TTF2: variants seen among roughly 807,000 people sequenced by gnomAD.
TTF2 encodes the protein transcription termination factor 2, also known as RNA polymerase II termination factor.
TTF2 carries 108 observed loss-of-function variants against 142.4 expected under a neutral mutation model. The ratio of observed to expected loss-of-function variants is 0.76; its 90% CI spans 0.65 to 0.89. The LOEUF (loss-of-function observed/expected upper bound fraction) is 0.89, where lower values mean the gene tolerates loss of function less well. TTF2 is among the 40% of genes least tolerant of loss of function. TTF2 has a pLI of 0.00. For missense variants in TTF2, 1,327 were observed against 1,379.8 expected (o/e 0.96, Z 0.61); for synonymous variants, 483 against 506.2 (o/e 0.95, Z 0.61).
chr1:117,096,216 A>G lies in TTF2; in HGVS notation c.3103A>G (p.Thr1035Ala), dbSNP rs766352073. The change falls in exon 20 of 23, where the codon ACT becomes GCT. Residue 1035 changes from threonine to alanine, a missense_variant. Thr to Ala is a moderately conservative substitution (Grantham distance 58, BLOSUM62 0). Coordinates refer to ENST00000369466, the MANE Select transcript of TTF2 (RefSeq NM_003594.4). Reference sequence around the variant, plus strand: ...ATTGCACCTGAAGAAGCATGGACTGACTTATGCCACCATCGATGGCTCTGT... The same window carrying G: ...ATTGCACCTGAAGAAGCATGGACTGGCTTATGCCACCATCGATGGCTCTGT... ...VALHLKKHGL[T>A]YATIDGSVNP... 1 of 1,614,172 alleles carries G rather than the reference A, an allele frequency of 6.2e-7. No homozygotes were observed. Among genetic ancestry groups the G allele is most frequent in the South Asian group, 1.1e-5 (1 of 91,084 alleles).
At chr1:117,089,030 C>T in intron 13 of TTF2, 48 bp downstream of exon 13, 1 of 1,522,090 alleles carries the variant, frequency 6.6e-7, no homozygotes, top group Non-Finnish European at 8.8e-7. Context: ...GTCTGTATCC[C>T]TTCATCATTA....
chr1:117,079,473 G>T lies in TTF2; in HGVS notation c.1702-95G>T. 1.7e-6 allele frequency: 2 copies of T among 1,154,992 alleles called. No individual in the cohort carries two copies. The highest frequency in any genetic ancestry group is 1.8e-5 in the Admixed American group (1 of 56,168). 71.5% of individuals were successfully genotyped at this position (1,154,992 alleles called of 1,614,324 possible). A position where few individuals can be genotyped will look rare whatever the true frequency, so the allele number is the denominator to read the frequency against. The stretch of plus-strand genomic sequence containing the variant: ...CTACAGAATACTGAGGGAATCATTT[G>T]TAGAAAATAGGAGAGTGTAGAGTTC... On this transcript the variant is annotated intron_variant, in intron 8 of 22. Coordinates refer to ENST00000369466, the MANE Select transcript of TTF2 (RefSeq NM_003594.4). The surrounding 1 kb of genome is among the most constrained non-coding windows in gnomAD (Gnocchi z 4.2).
At chr1:117,062,772 A>G (rs528134455) in intron 3 of TTF2, among the ~76,000 whole-genome samples, 4 of 152,304 alleles carry the variant, frequency 2.6e-5, no homozygotes. Context: ...TAACTTGTCA[A>G]TCTTCTAATT....
chr1:117,081,857 A>C lies in TTF2; in HGVS notation c.1813A>C (p.Thr605Pro). ...TGATATGGGCTTAGGAAAAACCCTG[A>C]CAATGATTGCGCTCATCCTGACCCA... ...ADDMGLGKTL[T>P]MIALILTQKN... The change falls in exon 10 of 23, where the codon ACA (threonine) becomes CCA (proline). Residue 605 changes from threonine (T) to proline (P), a missense_variant. Transcript: ENST00000369466. 1 of 1,614,138 alleles carries C rather than the reference A, an allele frequency of 6.2e-7. No individual in the cohort carries two copies. Among genetic ancestry groups the C allele is most frequent in the Non-Finnish European group, 8.5e-7 (1 of 1,180,020 alleles).
rs760960711 is a variant in TTF2, at chr1:117,076,322, G to A, written c.1390+28G>A. On this transcript the variant is annotated intron_variant, in intron 6 of 22. Coordinates refer to ENST00000369466, the MANE Select transcript of TTF2 (RefSeq NM_003594.4). This position sits in a 1 kb window ranked among gnomAD's most constrained non-coding sequence, Gnocchi z 4.6. ...AAAGTGGCTTATGCCTCAGAACTCC[G>A]GGTTTGCATCGACTTTACAAGAGAC... 2.0e-5 allele frequency: 32 copies of A among 1,571,698 alleles called. No individual in the cohort carries two copies. Among genetic ancestry groups the A allele is most frequent in the South Asian group, 7.8e-5 (7 of 89,242 alleles).
Position 117,076,908 on chromosome 1 carries a change from C to T in TTF2, c.1573+85C>T, listed in dbSNP as rs1158614609. The T allele has an allele frequency of 7.8e-7, 1 of 1,285,228 alleles. No individual in the cohort carries two copies. Among genetic ancestry groups the T allele is most frequent in the Non-Finnish European group, 1.1e-6 (1 of 941,524 alleles). The allele number at this position is 1,285,228 out of a possible 1,614,324, so 79.6% of individuals were successfully genotyped here. ...CGGTACAGTAGTCACCTCTTATCCA[C>T]ACTTTCAGTTAACCTTAGTCACCTG... is the stretch of plus-strand genomic sequence containing the variant. On this transcript the variant is annotated intron_variant, in intron 7 of 22. Transcript: ENST00000369466. This position sits in a 1 kb window ranked among gnomAD's most constrained non-coding sequence, Gnocchi z 4.6.
intron 3 of TTF2, 122 bp downstream of exon 3, chr1:117,062,595 T>C (rs1655778657): frequency 1.2e-6 from 1 of 832,566 alleles, no homozygotes; most frequent in Non-Finnish European, 1.8e-6. Flanking sequence ...ACAAAATTTG[T>C]ATATGTATTA....
At chr1:117,068,435 C>T (rs943406128) in intron 3 of TTF2, among the ~76,000 whole-genome samples, 1 of 151,424 alleles carries the variant, frequency 6.6e-6, no homozygotes, top group Non-Finnish European at 1.5e-5. Context: ...AGGAGATATA[C>T]TTAATGTAAA....
rs988080780 is a variant in TTF2, at chr1:117,087,627, T to G, written c.2160+1105T>G. Among the ~76,000 whole-genome samples, 2 of 152,140 alleles carry G rather than the reference T, an allele frequency of 1.3e-5. No homozygotes were observed. Among genetic ancestry groups the G allele is most frequent in the Admixed American group, 1.3e-4 (2 of 15,284 alleles). ...TCTTTATGATCTTGCCCTACCTGTA[T>G]GTCGCTCATCTCTTGATGACACCCT... is the stretch of plus-strand genomic sequence containing the variant. On this transcript the variant is annotated intron_variant, in intron 12 of 22. Coordinates refer to ENST00000369466, the MANE Select transcript of TTF2 (RefSeq NM_003594.4). The surrounding 1 kb of genome is among the most constrained non-coding windows in gnomAD (Gnocchi z 4.8).
In TTF2 at chr1:117,062,368, A is replaced by G. The variant is rs1426148973; in HGVS notation, c.132-19A>G. 3 of 1,608,802 alleles carry G rather than the reference A, an allele frequency of 1.9e-6. No homozygotes were observed. Among genetic ancestry groups the G allele is most frequent in the Non-Finnish European group, 2.5e-6 (3 of 1,178,152 alleles). ...TGTTCCTGACCTAAAAATGTTTTCA[A>G]CTTTTTTCTTTTCTCTAGCATTCCT... On this transcript the variant is annotated intron_variant, in intron 2 of 22. Coordinates refer to ENST00000369466, the MANE Select transcript of TTF2 (RefSeq NM_003594.4).
intron 7 of TTF2, among the ~76,000 whole-genome samples, chr1:117,077,699 A>G (rs1657127442): frequency 6.6e-6 from 1 of 151,834 alleles, no homozygotes; most frequent in African/African-American, 2.4e-5. Flanking sequence ...ACTGATCAGG[A>G]GATAGGAGCT....
rs1354095031 is a variant in TTF2 at position 117,106,578 on chromosome 1, G to C, written c.*5054G>C. Reference sequence around the variant, plus strand: ...TGTCCTCCTGAGGCTTAGCATCTAAGGGAGACAGGCATTAGTCAACCCCGT... The same window carrying C: ...TGTCCTCCTGAGGCTTAGCATCTAACGGAGACAGGCATTAGTCAACCCCGT... On this transcript the variant is annotated 3_prime_UTR_variant, in exon 23 of 23. Transcript: ENST00000369466. 6.6e-6 allele frequency: 1 copy of C among 152,234 alleles called. No individual in the cohort carries two copies. The highest frequency in any genetic ancestry group is 1.9e-4 in the East Asian group (1 of 5,204). The allele number at this position is 152,234 out of a possible 1,614,324, so 9.4% of individuals were successfully genotyped here.
rs1453115397 is a variant in TTF2 at position 117,107,356 on chromosome 1, T to C, written c.*5832T>C. 1 of 152,222 alleles carries C rather than the reference T, an allele frequency of 6.6e-6. No individual in the cohort carries two copies. Among genetic ancestry groups the C allele is most frequent in the East Asian group, 1.9e-4 (1 of 5,196 alleles). The allele number at this position is 152,222 out of a possible 1,614,324, so 9.4% of individuals were successfully genotyped here. The stretch of plus-strand genomic sequence containing the variant: ...ACACATTAGCCAGAACCTAGATGTC[T>C]TCTGGAAATTTTTTATTGCAATGTT... On this transcript the variant is annotated 3_prime_UTR_variant, in exon 23 of 23. Coordinates refer to ENST00000369466, the MANE Select transcript of TTF2 (RefSeq NM_003594.4).
rs1348342796 is a variant in TTF2 at position 117,075,119 on chromosome 1, T to G, written c.535T>G (p.Ser179Ala). 1 of 1,614,076 alleles carries G rather than the reference T, an allele frequency of 6.2e-7. No homozygotes were observed. Among genetic ancestry groups the G allele is most frequent in the South Asian group, 1.1e-5 (1 of 91,076 alleles). ...QKPEMMEKDL[S>A]SGLVPKKKQS... ...GCCTGAAATGATGGAGAAAGACCTC[T>G]CATCTGGCCTGGTACCAAAGAAAAA... Residue 179 changes from serine (S) to alanine (A), a missense_variant, in exon 5 of 23, where the codon TCA becomes GCA. Physicochemically the swap from Ser to Ala is moderately conservative, Grantham distance 99. Transcript: ENST00000369466. This position sits in a 1 kb window ranked among gnomAD's most constrained non-coding sequence, Gnocchi z 4.5.
rs1655866564 is a variant in TTF2 at position 117,063,732 on chromosome 1, G to A, written c.218+1259G>A. 6.6e-6 allele frequency among the ~76,000 whole-genome samples: 1 copy of A among 152,100 alleles called. No individual in the cohort carries two copies. ...GTTTTAGATTCACATACAGTTGTAAGGAATAATACAGAGTTATCCCCTGTA... is the reference window on the plus strand; with the variant it reads ...GTTTTAGATTCACATACAGTTGTAAAGAATAATACAGAGTTATCCCCTGTA... On this transcript the variant is annotated intron_variant, in intron 3 of 22. Transcript: ENST00000369466. The surrounding 1 kb of genome is among the most constrained non-coding windows in gnomAD (Gnocchi z 4.1).
At position 117,104,955 on chromosome 1, in the gene TTF2, T is replaced by C. The variant is rs1241186778; in HGVS notation, c.*3431T>C. 1 of 152,208 alleles carries C rather than the reference T, an allele frequency of 6.6e-6. No homozygotes were observed. Among genetic ancestry groups the C allele is most frequent in the African/African-American group, 2.4e-5 (1 of 41,452 alleles). 9.4% of individuals were successfully genotyped at this position (152,208 alleles called of 1,614,324 possible). A position where few individuals can be genotyped will look rare whatever the true frequency, so the allele number is the denominator to read the frequency against. On this transcript the variant is annotated 3_prime_UTR_variant, in exon 23 of 23. Coordinates refer to ENST00000369466, the MANE Select transcript of TTF2 (RefSeq NM_003594.4). ...AGTCTAGGTATGACAAGGTGGGTCTTTGCACCTTCTAGCGATGGGCAGCAT... is the reference window on the plus strand; with the variant it reads ...AGTCTAGGTATGACAAGGTGGGTCTCTGCACCTTCTAGCGATGGGCAGCAT...
chr1:117,083,868 G>C, intron 10 of TTF2, 150 bp from the exon 11 acceptor site: 1 of 869,370 alleles, frequency 1.2e-6, no homozygotes, highest in Non-Finnish European at 1.8e-6. Context: ...TAATTCCACT[G>C]TGGGAGGCTA....
Position 117,075,473 on chromosome 1 carries a change from G to T in TTF2, c.889G>T (p.Asp297Tyr). The T allele has an allele frequency of 6.2e-7, 1 of 1,614,138 alleles. No individual in the cohort carries two copies. The highest frequency in any genetic ancestry group is 8.5e-7 in the Non-Finnish European group (1 of 1,179,992). The change falls in exon 5 of 23, where the codon GAT becomes TAT. Residue 297 changes from aspartate to tyrosine, a missense_variant. Physicochemically the swap from Asp to Tyr is radical, Grantham distance 160. Coordinates refer to ENST00000369466, the MANE Select transcript of TTF2 (RefSeq NM_003594.4). This position sits in a 1 kb window ranked among gnomAD's most constrained non-coding sequence, Gnocchi z 4.5. Reference protein sequence around the residue: ...NWEAKETKAKDGPSIQATQKS... With the variant: ...NWEAKETKAKYGPSIQATQKS... ...GGAGGCTAAAGAAACAAAGGCAAAG[G>T]ATGGCCCTAGCATACAGGCCACCCA... is the stretch of plus-strand genomic sequence containing the variant.
chr1:117,084,716 A>G (rs1212952394), intron 11 of TTF2, among the ~76,000 whole-genome samples: 1 of 152,186 alleles, frequency 6.6e-6, no homozygotes, highest in African/African-American at 2.4e-5. Context: ...CCCACATGGC[A>G]ATCTTAGTCC....
Sources: allele counts gnomAD v4.1 joint callset (sites outside exome capture counted in the v4.1 genomes callset), GRCh38; gene constraint gnomAD v4.1.1; non-coding constraint Gnocchi (gnomAD v3.1); transcripts MANE v1.5; gene names NCBI Gene and HGNC (gene_info 2026-07-23, HGNC 2026-07-21).